The following SNTG1 variants were observed in gnomAD, a reference collection of about 807,000 sequenced individuals.
The protein encoded by SNTG1 is syntrophin gamma 1.
A neutral mutation model predicts 74.7 loss-of-function variants in SNTG1; 39 were observed. The ratio of observed to expected loss-of-function variants is 0.52; its 90% confidence interval spans 0.40 to 0.68. SNTG1 has a LOEUF of 0.68. Ranked by LOEUF, SNTG1 falls within the 30% of genes least tolerant of loss-of-function variation. SNTG1 has a pLI of 0.00. For missense variants in SNTG1, 685 were observed against 609.5 expected (o/e 1.12, Z -1.30); for synonymous variants, 254 against 217.1 (o/e 1.17, Z -1.49).
intron 2 of SNTG1, among the ~76,000 whole-genome samples, chr8:50,330,487 T>G (rs937215605): frequency 7.2e-5 from 11 of 152,220 alleles, no homozygotes; most frequent in Non-Finnish European, 2.9e-5. Flanking sequence ...TTCTCACATC[T>G]TCCTACCTTC....
chr8:50,379,072 C>A (rs747325338), intron 2 of SNTG1, among the ~76,000 whole-genome samples: 1 of 152,140 alleles, frequency 6.6e-6, no homozygotes, highest in Non-Finnish European at 1.5e-5. Context: ...TACCAAGGGG[C>A]ACCTGCAGGC....
chr8:50,493,201 G>T (rs56379537), intron 8 of SNTG1, among the ~76,000 whole-genome samples: 12,256 of 152,184 alleles, frequency 0.081, 816 homozygotes, highest in African/African-American at 0.18. Context: ...TTCCAACTTT[G>T]TTGTAATTTT....
chr8:50,182,850 T>C (rs1266475417), intron 2 of SNTG1, among the ~76,000 whole-genome samples: 1 of 152,154 alleles, frequency 6.6e-6, no homozygotes, highest in African/African-American at 2.4e-5. Context: ...GGAAATTTTC[T>C]ATTGAGATGA....
chr8:50,791,870 C>G (rs964808502), intron 18 of SNTG1, among the ~76,000 whole-genome samples: 3 of 151,760 alleles, frequency 2.0e-5, no homozygotes, highest in African/African-American at 4.8e-5. Context: ...ATAATACTAG[C>G]AACATCATCT....
At chr8:50,162,557 C>G (rs2082456983) in intron 1 of SNTG1, among the ~76,000 whole-genome samples, 1 of 110,536 alleles carries the variant, frequency 9.0e-6, no homozygotes, top group Non-Finnish European at 1.8e-5. Flanking sequence ...AAGACTCTGT[C>G]TCAAAAAAAA....
In SNTG1 at chr8:50,099,391, G is replaced by A. The variant is rs533546216; in HGVS notation, c.-102-73170G>A. ...ATTATTCAAGAACATTGATTAGAAA[G>A]GAGGATCTTCAAAATTGACATATTC... On this transcript the variant is annotated intron_variant, in intron 1 of 18. Transcript: ENST00000642720. Among the ~76,000 whole-genome samples, 6 of 152,202 alleles carry A rather than the reference G, an allele frequency of 3.9e-5. No individual in the cohort carries two copies. In the South Asian group the frequency reaches 1.0e-3, roughly 26 times the overall value.
At chr8:50,427,142 A>G (rs1415832723) in intron 4 of SNTG1, among the ~76,000 whole-genome samples, 4 of 152,020 alleles carry the variant, frequency 2.6e-5, no homozygotes, top group Non-Finnish European at 5.9e-5. Context: ...TTTCTTACTC[A>G]CAGTAAAGGT....
At chr8:50,772,651 G>A (rs946254621) in intron 18 of SNTG1, among the ~76,000 whole-genome samples, 14 of 152,060 alleles carry the variant, frequency 9.2e-5, no homozygotes, top group African/African-American at 3.4e-4. Context: ...GGGGGCAGAG[G>A]TGAAATGCTT....
intron 2 of SNTG1, among the ~76,000 whole-genome samples, chr8:50,385,461 G>A (rs2092559348): frequency 1.3e-5 from 2 of 152,158 alleles, no homozygotes; most frequent in South Asian, 4.1e-4. Context: ...TTGAATTTTT[G>A]TCAGATTTAT....
At chr8:50,320,139 C>T (rs1201744372) in intron 2 of SNTG1, among the ~76,000 whole-genome samples, 1 of 152,132 alleles carries the variant, frequency 6.6e-6, no homozygotes, top group African/African-American at 2.4e-5. Context: ...ACATTGGGTT[C>T]TGGACTTTTC....
At chr8:50,517,032 G>C (rs560564124) in intron 9 of SNTG1, among the ~76,000 whole-genome samples, 1 of 152,208 alleles carries the variant, frequency 6.6e-6, no homozygotes, top group South Asian at 2.1e-4. Context: ...AAAATGTTAA[G>C]AGCAGCCAGA....
intron 4 of SNTG1, among the ~76,000 whole-genome samples, chr8:50,426,332 C>T (rs1034224086): frequency 3.3e-5 from 5 of 152,016 alleles, no homozygotes; most frequent in African/African-American, 4.8e-5. Context: ...TATATTACAG[C>T]GTATCATAAG....
At position 50,452,355 on chromosome 8, in the gene SNTG1, C is replaced by A. The variant is rs76915450; in HGVS notation, c.363+1626C>A. Among the ~76,000 whole-genome samples, 16 of 152,356 alleles carry A rather than the reference C, an allele frequency of 1.1e-4. No individual in the cohort carries two copies. The East Asian group carries it at 2.1e-3, about 20-fold the overall frequency. ...ACCAGCACAGCACAGAGCCTTCTAT[C>A]TTGCAGATTCCTATGTAAATTTTAA... is the stretch of plus-strand genomic sequence containing the variant. On this transcript the variant is annotated intron_variant, in intron 8 of 18. Transcript: ENST00000642720.
chr8:50,323,780 C>T (rs1444732084), intron 2 of SNTG1, among the ~76,000 whole-genome samples: 1 of 152,180 alleles, frequency 6.6e-6, no homozygotes, highest in Non-Finnish European at 1.5e-5. Flanking sequence ...AAGCCCTTAT[C>T]TTCAGGGTGG....
At position 50,416,037 on chromosome 8, in the gene SNTG1, A is replaced by G. The variant is rs190220359; in HGVS notation, c.162+13693A>G. Among the ~76,000 whole-genome samples, 1,125 of 152,224 alleles carry G rather than the reference A, an allele frequency of 7.4e-3. 9 individuals are homozygous for G. Among genetic ancestry groups the G allele is most frequent in the Non-Finnish European group, 0.013 (883 of 68,000 alleles). ...CTTTTCTTTGTAGCTTAATATTTTT[A>G]TTTTTACAATGTCAATGCTTTTATC... On this transcript the variant is annotated intron_variant, in intron 4 of 18. Transcript: ENST00000642720.
intron 2 of SNTG1, among the ~76,000 whole-genome samples, chr8:50,197,488 G>A (rs2083819781): frequency 6.6e-6 from 1 of 152,082 alleles, no homozygotes; most frequent in Non-Finnish European, 1.5e-5. Context: ...TTGTTCTCCA[G>A]AGATTGACTT....
chr8:50,333,608 T>C (rs77334705), intron 2 of SNTG1, among the ~76,000 whole-genome samples: 9,850 of 152,304 alleles, frequency 0.065, 342 homozygotes, highest in African/African-American at 0.071. Flanking sequence ...ACATTTCTTA[T>C]GGAAGAGGAA....
chr8:50,609,904 T>C lies in SNTG1; in HGVS notation c.849+18987T>C, dbSNP rs377445579. Among the ~76,000 whole-genome samples, 38 of 152,250 alleles carry C rather than the reference T, an allele frequency of 2.5e-4. 1 individual carries two copies. Among genetic ancestry groups the C allele is most frequent in the Admixed American group, 1.2e-3 (19 of 15,272 alleles). ...TGAGTCATTGCTATAATAAATTATT[T>C]GAACATATTTAGAAAACTTCTGTAA... is the stretch of plus-strand genomic sequence containing the variant. On this transcript the variant is annotated intron_variant, in intron 13 of 18. Coordinates refer to ENST00000642720, the MANE Select transcript of SNTG1 (RefSeq NM_018967.5).
intron 13 of SNTG1, among the ~76,000 whole-genome samples, chr8:50,603,467 C>T (rs1378220358): frequency 6.6e-6 from 1 of 152,092 alleles, no homozygotes; most frequent in Non-Finnish European, 1.5e-5. Flanking sequence ...TTTGAATTTT[C>T]TTTGTGAAAG....
Sources: allele counts gnomAD v4.1 joint callset (sites outside exome capture counted in the v4.1 genomes callset), GRCh38; gene constraint gnomAD v4.1.1; transcripts MANE v1.5; gene names NCBI Gene and HGNC (gene_info 2026-07-23, HGNC 2026-07-21).